Variants in NAALADL2 observed in about 807,000 individuals in gnomAD.
NAALADL2 encodes N-acetylated alpha-linked acidic dipeptidase like 2.
NAALADL2 carries 76 observed loss-of-function variants against 87.2 expected under a neutral mutation model. The observed-to-expected ratio is 0.87, with a 90% CI of 0.72 to 1.05. The LOEUF is 1.05. NAALADL2 is among the 50% of genes least tolerant of loss of function. NAALADL2 has a pLI of 0.00. For missense variants in NAALADL2, 1,089 were observed against 945.8 expected, an observed-to-expected ratio of 1.15 and a Z score of -1.99; for synonymous variants, 354 against 331.0, an observed-to-expected ratio of 1.07 and a Z score of -0.75.
intron 2 of NAALADL2, among the ~76,000 whole-genome samples, chr3:174,642,433 G>A (rs575304790): frequency 3.3e-5 from 5 of 151,356 alleles, no homozygotes; most frequent in South Asian, 4.2e-4. Context: ...CCTGGGAGGC[G>A]CAGGTTGTGG....
chr3:175,337,196 C>T (rs1320617744), intron 5 of NAALADL2, among the ~76,000 whole-genome samples: 2 of 148,624 alleles, frequency 1.3e-5, no homozygotes, highest in East Asian at 3.9e-4. Flanking sequence ...CTTTTACTCT[C>T]AAAAGAGTCT....
chr3:175,407,474 A>G (rs1040598894), intron 5 of NAALADL2, among the ~76,000 whole-genome samples: 2 of 152,186 alleles, frequency 1.3e-5, no homozygotes, highest in African/African-American at 2.4e-5. Flanking sequence ...ATACTTCTAC[A>G]TTACAAACCT....
intron 1 of NAALADL2, among the ~76,000 whole-genome samples, chr3:174,887,247 ATG>A (rs1233282266): frequency 6.7e-6 from 1 of 149,586 alleles, no homozygotes; most frequent in Admixed American, 6.7e-5. Context: ...AATTAGTTAA[ATG>A]TAATTTAGAT....
At chr3:175,392,433 A>G (rs1581700965) in intron 5 of NAALADL2, among the ~76,000 whole-genome samples, 1 of 152,198 alleles carries the variant, frequency 6.6e-6, no homozygotes, top group African/African-American at 2.4e-5. Context: ...CTAGTGAAAT[A>G]AGAATTCTGG....
intron 1 of NAALADL2, among the ~76,000 whole-genome samples, chr3:174,539,037 C>A (rs1193016718): frequency 6.6e-6 from 1 of 152,098 alleles, no homozygotes; most frequent in Non-Finnish European, 1.5e-5. Flanking sequence ...GTCTTAGATA[C>A]CTTTTTGTTT....
In NAALADL2 at chr3:175,266,219, A is replaced by G. The variant is rs994750223; in HGVS notation, c.939+9689A>G. ...TGAATTTTCCTAAATTAATATATTC[A>G]TAGTTACTTGAATATTATAACCATC... On this transcript the variant is annotated intron_variant, in intron 4 of 13. Transcript: ENST00000454872. 2.6e-5 allele frequency among the ~76,000 whole-genome samples: 4 copies of G among 151,010 alleles called. No individual in the cohort carries two copies. The East Asian group carries it at 7.7e-4, about 29-fold the overall frequency.
chr3:175,223,118 G>GTGTGTA (rs1198500968), intron 2 of NAALADL2, among the ~76,000 whole-genome samples: 265 of 151,946 alleles, frequency 1.7e-3, no homozygotes, highest in Non-Finnish European at 3.1e-3. Context: ...GTGTGTGTGT[G>GTGTGTA]TGTGTGTGTG....
Position 175,660,723 on chromosome 3 carries a change from T to A in NAALADL2, c.1896+33337T>A, listed in dbSNP as rs901560850. Among the ~76,000 whole-genome samples, 5 of 152,244 alleles carry A rather than the reference T, an allele frequency of 3.3e-5. 1 individual carries two copies. Among genetic ancestry groups the A allele is most frequent in the Admixed American group, 1.3e-4 (2 of 15,284 alleles). On this transcript the variant is annotated intron_variant, in intron 11 of 13. Transcript: ENST00000454872. Reference sequence around the variant, plus strand: ...ATGCTCTACCTCTGTAAGACTCACCTTTATAGCTCCCACATATGAGTGAGA... The same window carrying A: ...ATGCTCTACCTCTGTAAGACTCACCATTATAGCTCCCACATATGAGTGAGA...
intron 1 of NAALADL2, among the ~76,000 whole-genome samples, chr3:174,477,583 A>G (rs1264180329): frequency 1.3e-5 from 2 of 152,158 alleles, no homozygotes; most frequent in African/African-American, 4.8e-5. Flanking sequence ...TTGGCGTTCT[A>G]CAGAACTCCC....
At chr3:175,281,240 A>G (rs1434386626) in intron 4 of NAALADL2, among the ~76,000 whole-genome samples, 1 of 151,708 alleles carries the variant, frequency 6.6e-6, no homozygotes, top group Admixed American at 6.6e-5. Context: ...GGCTTTATAA[A>G]CCAATTTTAA....
At chr3:175,259,128 C>T (rs985059386) in intron 4 of NAALADL2, among the ~76,000 whole-genome samples, 1 of 152,076 alleles carries the variant, frequency 6.6e-6, no homozygotes, top group Admixed American at 6.6e-5. Flanking sequence ...ATCTGTGAGC[C>T]CCAGAACGTG....
chr3:175,617,241 G>A (rs1006704689), intron 10 of NAALADL2, among the ~76,000 whole-genome samples: 1 of 152,172 alleles, frequency 6.6e-6, no homozygotes, highest in Non-Finnish European at 1.5e-5. Context: ...TGGTTACTCT[G>A]GAGGAAGTCC....
intron 3 of NAALADL2, among the ~76,000 whole-genome samples, chr3:174,762,379 T>C (rs1444020857): frequency 6.7e-6 from 1 of 148,764 alleles, no homozygotes; most frequent in Admixed American, 6.7e-5. Flanking sequence ...GGTCTCGATC[T>C]CCTGACCTCG....
intron 1 of NAALADL2, among the ~76,000 whole-genome samples, chr3:174,494,885 T>C (rs1361105608): frequency 2.0e-5 from 3 of 152,116 alleles, no homozygotes; most frequent in Admixed American, 6.6e-5. Context: ...GAAAGCACTT[T>C]ATTTAGATTG....
intron 5 of NAALADL2, among the ~76,000 whole-genome samples, chr3:175,389,608 G>A (rs191248615): frequency 3.3e-5 from 5 of 152,248 alleles, no homozygotes; most frequent in Middle Eastern, 3.4e-3. Context: ...TTGCATTTGC[G>A]TAAACAAGAT....
intron 5 of NAALADL2, among the ~76,000 whole-genome samples, chr3:175,386,231 T>A (rs1053282410): frequency 6.6e-6 from 1 of 151,878 alleles, no homozygotes; most frequent in African/African-American, 2.4e-5. Flanking sequence ...TCATCTTTTT[T>A]TTTTTATTCT....
intron 2 of NAALADL2, among the ~76,000 whole-genome samples, chr3:175,153,762 T>C (rs1472443435): frequency 6.6e-6 from 1 of 152,160 alleles, no homozygotes; most frequent in Non-Finnish European, 1.5e-5. Flanking sequence ...TCATTTAGTT[T>C]ATTGGCATGT....
intron 11 of NAALADL2, among the ~76,000 whole-genome samples, chr3:175,727,785 G>T (rs1420358848): frequency 6.6e-6 from 1 of 152,116 alleles, no homozygotes; most frequent in African/African-American, 2.4e-5. Flanking sequence ...AAGGCCTTTG[G>T]CAAGGCCTCC....
chr3:174,844,537 A>G (rs1027304706), intron 3 of NAALADL2, among the ~76,000 whole-genome samples: 5 of 152,000 alleles, frequency 3.3e-5, no homozygotes, highest in African/African-American at 7.2e-5. Context: ...GTGAAATGTC[A>G]TTGGTATTTT....
Sources: allele counts gnomAD v4.1 joint callset (sites outside exome capture counted in the v4.1 genomes callset), GRCh38; gene constraint gnomAD v4.1.1; transcripts MANE v1.5; gene names NCBI Gene and HGNC (gene_info 2026-07-23, HGNC 2026-07-21).